AP1G1: variants seen among roughly 807,000 people sequenced by gnomAD.
AP1G1 encodes the protein adaptor related protein complex 1 subunit gamma 1.
Under a neutral mutation model 108.3 loss-of-function variants are expected in AP1G1, and 7 were observed. That is an observed-to-expected ratio of 0.06 (90% CI 0.04 to 0.12). AP1G1 has a LOEUF of 0.12. Ranked by LOEUF, AP1G1 falls within the 10% of genes least tolerant of loss-of-function variation. The pLI is 1.00. For missense variants in AP1G1, 756 were observed against 1,010.7 expected (o/e 0.75, Z 3.42); for synonymous variants, 379 against 353.5 (o/e 1.07, Z -0.81).
chr16:71,791,739 A>T (rs1473191892), intron 1 of AP1G1, among the ~76,000 whole-genome samples: 2 of 148,702 alleles, frequency 1.3e-5, no homozygotes, highest in Non-Finnish European at 3.0e-5. Flanking sequence ...GGCTGGGCCT[A>T]TAAAAGCTAA....
intron 2 of AP1G1, among the ~76,000 whole-genome samples, chr16:71,777,119 A>C (rs1053721825): frequency 2.0e-5 from 3 of 149,046 alleles, no homozygotes; most frequent in Non-Finnish European, 4.5e-5. Context: ...AAAAAAAAAA[A>C]AAAAAAAAAA....
intron 2 of AP1G1, among the ~76,000 whole-genome samples, chr16:71,778,951 T>TACTC (rs915872315): frequency 3.9e-5 from 6 of 152,206 alleles, no homozygotes; most frequent in Non-Finnish European, 8.8e-5. Flanking sequence ...GGAGTACTAC[T>TACTC]ACTCCACTTA....
Position 71,768,006 on chromosome 16 carries a change from G to GA in AP1G1, c.642+1616dup, listed in dbSNP as rs139155057. On this transcript the variant is annotated intron_variant, in intron 6 of 22. Coordinates refer to ENST00000299980, the MANE Select transcript of AP1G1 (RefSeq NM_001128.6). ...TTAATCAAGACATGAACATCTAAGG[G>GA]AAAAAAAGCCAAAAAAGAACTCCTG... is the stretch of plus-strand genomic sequence containing the variant. 148 of 1,148,462 alleles carry GA rather than the reference G, an allele frequency of 1.3e-4. No individual in the cohort carries two copies. The African/African-American group carries it at 2.1e-3, about 17-fold the overall frequency. 71.1% of individuals were successfully genotyped at this position (1,148,462 alleles called of 1,614,324 possible).
intron 1 of AP1G1, among the ~76,000 whole-genome samples, chr16:71,805,474 A>C (rs2032968593): frequency 6.6e-6 from 1 of 152,108 alleles, no homozygotes; most frequent in African/African-American, 2.4e-5. Context: ...AAAAGAACTG[A>C]AAACAATTCA....
chr16:71,807,723 A>C, intron 1 of AP1G1: 1 of 948,156 alleles, frequency 1.1e-6, no homozygotes, highest in Non-Finnish European at 1.5e-6. Flanking sequence ...TTCAAAGTTA[A>C]GGTCACTAAG....
intron 1 of AP1G1, among the ~76,000 whole-genome samples, chr16:71,800,163 G>C (rs1166270621): frequency 6.8e-6 from 1 of 146,200 alleles, no homozygotes; most frequent in Non-Finnish European, 1.5e-5. Context: ...AGGAGATCAA[G>C]ACCATCCTGG....
At chr16:71,782,650 G>A (rs962803918) in intron 2 of AP1G1, among the ~76,000 whole-genome samples, 1 of 151,712 alleles carries the variant, frequency 6.6e-6, no homozygotes, top group Non-Finnish European at 1.5e-5. Context: ...ACCACACCTG[G>A]TTAATTTTTG....
Position 71,771,186 on chromosome 16 carries a change from T to A in AP1G1, c.535A>T (p.Thr179Ser), listed in dbSNP as rs142324252. 9.2e-4 allele frequency: 1,481 copies of A among 1,610,464 alleles called. 2 individuals carry two copies. Among genetic ancestry groups the A allele is most frequent in the Non-Finnish European group, 1.1e-3 (1,352 of 1,178,276 alleles). The change falls in exon 5 of 23, where the codon ACA becomes TCA. Residue 179 changes from threonine (T) to serine (S), a missense_variant. By Grantham distance (58) the Thr-to-Ser change is moderately conservative (BLOSUM62 1). Transcript: ENST00000299980. ...TTCTTCTCATTCAATAAATTTTTTGTTGCTGGTAAAAACATCTCCATAAGT... is the reference window on the plus strand; with the variant it reads ...TTCTTCTCATTCAATAAATTTTTTGATGCTGGTAAAAACATCTCCATAAGT... ...PELMEMFLPA[T>S]KNLLNEKNHG... is the part of the protein sequence containing the mutation.
At chr16:71,775,029 T>C (rs1313981931) in intron 2 of AP1G1, among the ~76,000 whole-genome samples, 10 of 143,732 alleles carry the variant, frequency 7.0e-5, no homozygotes, top group Admixed American at 7.0e-4. Flanking sequence ...CTTTTTTTTT[T>C]TTTTTTTTTT....
At chr16:71,804,845 C>T (rs531931377) in intron 1 of AP1G1, among the ~76,000 whole-genome samples, 4 of 151,948 alleles carry the variant, frequency 2.6e-5, no homozygotes, top group South Asian at 2.1e-4. Flanking sequence ...GGCGAATCCC[C>T]GTCTCCACAA....
At chr16:71,777,842 G>A (rs926500737) in intron 2 of AP1G1, 2 of 328,326 alleles carry the variant, frequency 6.1e-6, no homozygotes, top group Non-Finnish European at 1.3e-5. Context: ...CATGGTGCTA[G>A]GACTGGAGCT....
In AP1G1 at chr16:71,746,677, C is replaced by G. The variant is rs2030198006; in HGVS notation, c.1641G>C (p.Val547=). ...CAATGCTGCTTCCGTAGATGGAAAC[C>G]ACTTTCTTAATTCGGCTATAGATAA... ...FTCTVNRIKK[V]VSIYGSSIDV... Residue 547 remains valine (V), a synonymous_variant, in exon 17 of 23, where the codon GTG becomes GTC. Transcript: ENST00000299980. 2 of 1,611,300 alleles carry G rather than the reference C, an allele frequency of 1.2e-6. No individual in the cohort carries two copies. The highest frequency in any genetic ancestry group is 2.7e-5 in the African/African-American group (2 of 74,872).
intron 16 of AP1G1, 52 bp downstream of exon 16, chr16:71,748,199 T>C (rs553959878): frequency 6.4e-7 from 1 of 1,571,982 alleles, no homozygotes; most frequent in Non-Finnish European, 8.6e-7. Context: ...GGATTTTTTT[T>C]GTTTTTTAAT....
chr16:71,754,429 T>C (rs750531412), intron 12 of AP1G1, among the ~76,000 whole-genome samples: 1 of 152,172 alleles, frequency 6.6e-6, no homozygotes, highest in African/African-American at 2.4e-5. Context: ...CTAGGTTCCC[T>C]GGATAAGTGA....
chr16:71,741,229 T>C (rs1409103185), intron 19 of AP1G1, among the ~76,000 whole-genome samples: 2 of 152,176 alleles, frequency 1.3e-5, no homozygotes, highest in African/African-American at 2.4e-5. Flanking sequence ...GAATATCATC[T>C]TTTTTTAAGA....
intron 1 of AP1G1, among the ~76,000 whole-genome samples, chr16:71,793,235 C>T (rs1215168546): frequency 6.6e-6 from 1 of 152,022 alleles, no homozygotes; most frequent in African/African-American, 2.4e-5. Flanking sequence ...TTAAAAAGTC[C>T]GGAACACAGT....
intron 11 of AP1G1, among the ~76,000 whole-genome samples, chr16:71,758,231 T>C (rs1429965466): frequency 6.6e-6 from 1 of 152,230 alleles, no homozygotes; most frequent in African/African-American, 2.4e-5. Context: ...AAGTTCTACA[T>C]ATTCTACAAA....
rs772883957 is a variant in AP1G1, at chr16:71,749,941, C to T, written c.1450G>A (p.Gly484Ser). 1.2e-6 allele frequency: 2 copies of T among 1,613,492 alleles called. No individual in the cohort carries two copies. The highest frequency in any genetic ancestry group is 1.7e-6 in the Non-Finnish European group (2 of 1,179,484). ...CACTGGCCAGATACAAGAAGATCAC[C>T]ATATTCACCTATACACCATGCAGCC... ...QVAAWCIGEY[G>S]DLLVSGQCEE... is the part of the protein sequence containing the mutation. The change falls in exon 15 of 23, where the codon GGT (glycine) becomes AGT (serine). Residue 484 changes from glycine to serine, a missense_variant. By Grantham distance (56) the Gly-to-Ser change is moderately conservative. Around this residue, in one of 3 missense-constraint regions of AP1G1, gnomAD observed 357 missense variants for 366.5 expected, o/e 0.97. Coordinates refer to ENST00000299980, the MANE Select transcript of AP1G1 (RefSeq NM_001128.6).
intron 19 of AP1G1, among the ~76,000 whole-genome samples, chr16:71,739,902 C>T (rs775625000): frequency 2.6e-4 from 40 of 152,006 alleles, no homozygotes; most frequent in Non-Finnish European, 5.1e-4. Flanking sequence ...TATAAAAACA[C>T]GCAAGTCACA....
Sources: allele counts gnomAD v4.1 joint callset (sites outside exome capture counted in the v4.1 genomes callset), GRCh38; gene constraint gnomAD v4.1.1; regional missense constraint gnomAD v4.1.1; transcripts MANE v1.5; gene names NCBI Gene and HGNC (gene_info 2026-07-23, HGNC 2026-07-21).